Variants in LRRTM4 observed in about 807,000 individuals in gnomAD.
The protein encoded by LRRTM4 is leucine-rich repeat transmembrane neuronal protein 4.
Under a neutral mutation model 47.6 loss-of-function variants are expected in LRRTM4, and 25 were observed. That is an observed-to-expected ratio of 0.53 (90% CI 0.38 to 0.73). LRRTM4 has a LOEUF of 0.73. Ranked by LOEUF, LRRTM4 falls within the 30% of genes least tolerant of loss-of-function variation. The pLI, the probability that LRRTM4 is intolerant of heterozygous loss-of-function variation, is 0.00. For synonymous variants in LRRTM4, 311 were observed against 269.5 expected (o/e 1.15, Z -1.51); for missense variants, 638 against 713.4 (o/e 0.89, Z 1.20).
At chr2:77,462,130 A>C (rs369464299) in intron 3 of LRRTM4, among the ~76,000 whole-genome samples, 2 of 152,112 alleles carry the variant, frequency 1.3e-5, no homozygotes, top group Non-Finnish European at 2.9e-5. Context: ...TTGTTCCAAC[A>C]ATATTCCATA....
chr2:77,153,662 T>A (rs962373994), intron 3 of LRRTM4, among the ~76,000 whole-genome samples: 4 of 152,294 alleles, frequency 2.6e-5, no homozygotes, highest in Admixed American at 2.6e-4. Flanking sequence ...AAAAAGGGCA[T>A]TTTTAGGGCT....
chr2:77,299,990 T>C (rs1027930508), intron 3 of LRRTM4, among the ~76,000 whole-genome samples: 2 of 151,388 alleles, frequency 1.3e-5, no homozygotes, highest in South Asian at 4.2e-4. Context: ...TAACTGGGAC[T>C]ACAGGCATGC....
At position 77,521,581 on chromosome 2, in the gene LRRTM4, C is replaced by T. The variant is rs191588276; in HGVS notation, c.4+87G>A. The stretch of plus-strand genomic sequence containing the variant: ...GGCTGCTGCTCTTTGCCTGTTTCCC[C>T]GTCTTTTATCTGCTAATGCCACGAC... On this transcript the variant is annotated intron_variant, in intron 2 of 3. Transcript: ENST00000409884. 6.9e-5 allele frequency: 104 copies of T among 1,505,054 alleles called. 1 individual carries two copies. The Admixed American group carries it at 8.5e-4, about 12-fold the overall frequency. The allele number at this position is 1,505,054 out of a possible 1,614,324, so 93.2% of individuals were successfully genotyped here.
chr2:77,488,766 T>G (rs1678024766), intron 3 of LRRTM4, among the ~76,000 whole-genome samples: 1 of 152,094 alleles, frequency 6.6e-6, no homozygotes, highest in Non-Finnish European at 1.5e-5. Context: ...TCACTTAATG[T>G]CTTGACCATA....
chr2:77,102,743 A>T (rs1670989471), intron 3 of LRRTM4, among the ~76,000 whole-genome samples: 1 of 152,212 alleles, frequency 6.6e-6, no homozygotes, highest in Non-Finnish European at 1.5e-5. Context: ...TTCTCAATGC[A>T]AAGAAAATGC....
chr2:77,321,626 G>A (rs973620361), intron 3 of LRRTM4, among the ~76,000 whole-genome samples: 1 of 151,354 alleles, frequency 6.6e-6, no homozygotes, highest in Non-Finnish European at 1.5e-5. Flanking sequence ...CTTAATGTGA[G>A]ATAAGACAAA....
intron 3 of LRRTM4, among the ~76,000 whole-genome samples, chr2:77,013,675 A>G (rs1464130581): frequency 6.6e-6 from 1 of 152,162 alleles, no homozygotes; most frequent in African/African-American, 2.4e-5. Context: ...GCCAGCTCCT[A>G]AAGAAAACAG....
intron 3 of LRRTM4, among the ~76,000 whole-genome samples, chr2:77,048,193 T>TTA (rs1158617096): frequency 6.6e-6 from 1 of 151,992 alleles, no homozygotes; most frequent in Non-Finnish European, 1.5e-5. Context: ...AATCATGATT[T>TTA]TATAATGATA....
chr2:76,929,528 T>A (rs1674698490), intron 3 of LRRTM4, among the ~76,000 whole-genome samples: 1 of 152,040 alleles, frequency 6.6e-6, no homozygotes, highest in East Asian at 1.9e-4. Flanking sequence ...TGCTATTAGC[T>A]TTTTTTAACT....
intron 3 of LRRTM4, among the ~76,000 whole-genome samples, chr2:77,048,574 T>C (rs1679308756): frequency 6.6e-6 from 1 of 152,028 alleles, no homozygotes; most frequent in South Asian, 2.1e-4. Flanking sequence ...TAAAAATCCC[T>C]ATTTTGAATA....
intron 3 of LRRTM4, among the ~76,000 whole-genome samples, chr2:77,156,451 C>G (rs924124192): frequency 1.3e-5 from 2 of 151,584 alleles, no homozygotes; most frequent in African/African-American, 4.8e-5. Flanking sequence ...TATATTCAAG[C>G]ATGGGAATTG....
chr2:77,385,980 A>G (rs1000555915), intron 3 of LRRTM4, among the ~76,000 whole-genome samples: 1 of 151,466 alleles, frequency 6.6e-6, no homozygotes, highest in African/African-American at 2.4e-5. Flanking sequence ...TGATCTCGAA[A>G]TCCTGACCTC....
intron 3 of LRRTM4, among the ~76,000 whole-genome samples, chr2:77,278,286 A>C (rs1676415942): frequency 6.6e-6 from 1 of 151,988 alleles, no homozygotes; most frequent in Admixed American, 6.6e-5. Flanking sequence ...AATTTTCTAA[A>C]TGTGAAACAT....
chr2:77,127,749 C>T (rs544971025), intron 3 of LRRTM4, among the ~76,000 whole-genome samples: 1 of 152,238 alleles, frequency 6.6e-6, no homozygotes, highest in South Asian at 2.1e-4. Context: ...ACTCTGCAAC[C>T]CCAGTTAAGT....
chr2:76,781,043 C>T (rs1294293941), intron 3 of LRRTM4, among the ~76,000 whole-genome samples: 1 of 152,104 alleles, frequency 6.6e-6, no homozygotes, highest in Non-Finnish European at 1.5e-5. Context: ...TGTGCCCGTG[C>T]TTGGGGGTGC....
At chr2:77,472,240 T>C (rs1464392723) in intron 3 of LRRTM4, among the ~76,000 whole-genome samples, 1 of 152,156 alleles carries the variant, frequency 6.6e-6, no homozygotes, top group Admixed American at 6.6e-5. Context: ...AGAAAATATG[T>C]GTGTTAGGTG....
chr2:76,949,502 A>G (rs1675431623), intron 3 of LRRTM4, among the ~76,000 whole-genome samples: 1 of 151,898 alleles, frequency 6.6e-6, no homozygotes, highest in South Asian at 2.1e-4. Context: ...AGAACACTTC[A>G]TAGAAGAGAT....
At chr2:77,164,222 A>G (rs1210025457) in intron 3 of LRRTM4, among the ~76,000 whole-genome samples, 1 of 152,238 alleles carries the variant, frequency 6.6e-6, no homozygotes, top group African/African-American at 2.4e-5. Flanking sequence ...GCAGGTCATT[A>G]CATAATGGTA....
At chr2:77,467,925 A>AG (rs1573454485) in intron 3 of LRRTM4, among the ~76,000 whole-genome samples, 1 of 152,166 alleles carries the variant, frequency 6.6e-6, no homozygotes, top group African/African-American at 2.4e-5. Flanking sequence ...TTTTTCCCCT[A>AG]GTACTGTTTA....
Sources: allele counts gnomAD v4.1 joint callset (sites outside exome capture counted in the v4.1 genomes callset), GRCh38; gene constraint gnomAD v4.1.1; transcripts MANE v1.5; gene names NCBI Gene and HGNC (gene_info 2026-07-23, HGNC 2026-07-21).